CLSTN2: variants seen among roughly 807,000 people sequenced by gnomAD.
The protein encoded by CLSTN2 is calsyntenin 2, also known as calsyntenin-2.
Under a neutral mutation model 101.2 loss-of-function variants are expected in CLSTN2, and 48 were observed. The observed-to-expected ratio is 0.47, with a 90% CI of 0.38 to 0.60. CLSTN2 has a LOEUF of 0.60. CLSTN2 is among the 20% of genes least tolerant of loss of function. The pLI is 0.00. For missense variants in CLSTN2, 1,160 were observed against 1,238.2 expected (o/e 0.94, Z 0.95); for synonymous variants, 481 against 463.6 (o/e 1.04, Z -0.48).
intron 2 of CLSTN2, among the ~76,000 whole-genome samples, chr3:140,400,876 T>C (rs1049080959): frequency 2.0e-5 from 3 of 152,206 alleles, no homozygotes; most frequent in South Asian, 4.1e-4. Flanking sequence ...TCCTTTCTTC[T>C]GAAGGGTCCT....
intron 1 of CLSTN2, among the ~76,000 whole-genome samples, chr3:140,148,252 G>C (rs2107812592): frequency 6.6e-6 from 1 of 152,150 alleles, no homozygotes; most frequent in Non-Finnish European, 1.5e-5. Context: ...AACATTGAGT[G>C]CTGTCATCAG....
At chr3:140,163,723 G>A (rs570743547) in intron 1 of CLSTN2, among the ~76,000 whole-genome samples, 14 of 150,968 alleles carry the variant, frequency 9.3e-5, no homozygotes, top group African/African-American at 2.9e-4. Context: ...GCTTGTATGA[G>A]TTCCTTAAGC....
In CLSTN2 at chr3:140,059,484, T is replaced by C. The variant is rs76268913; in HGVS notation, c.110-116467T>C. On this transcript the variant is annotated intron_variant, in intron 1 of 16. Coordinates refer to ENST00000458420, the MANE Select transcript of CLSTN2 (RefSeq NM_022131.3). The stretch of plus-strand genomic sequence containing the variant: ...CTAAAAGTGCTGATGAGCAGGAGAC[T>C]AAAGAGAGCTACATGGAGAGGGTTC... 4.0e-3 allele frequency among the ~76,000 whole-genome samples: 604 copies of C among 152,216 alleles called. 3 individuals carry two copies. Among genetic ancestry groups the C allele is most frequent in the African/African-American group, 0.012 (497 of 41,528 alleles).
At chr3:140,107,453 G>C (rs2009078786) in intron 1 of CLSTN2, among the ~76,000 whole-genome samples, 1 of 152,146 alleles carries the variant, frequency 6.6e-6, no homozygotes, top group Admixed American at 6.5e-5. Flanking sequence ...TTGCAGGGTG[G>C]ATTTTCAGGG....
intron 2 of CLSTN2, among the ~76,000 whole-genome samples, chr3:140,346,089 G>A (rs1050138513): frequency 1.3e-5 from 2 of 152,164 alleles, no homozygotes; most frequent in South Asian, 2.1e-4. Flanking sequence ...ATGGCAGGGG[G>A]TGGCACAGCC....
chr3:140,316,461 C>T (rs879360341), intron 2 of CLSTN2, among the ~76,000 whole-genome samples: 1 of 152,222 alleles, frequency 6.6e-6, no homozygotes, highest in Non-Finnish European at 1.5e-5. Flanking sequence ...AGTGCCCACA[C>T]TCTTGCAATT....
intron 2 of CLSTN2, among the ~76,000 whole-genome samples, chr3:140,402,222 A>G (rs1294226202): frequency 1.3e-5 from 2 of 152,178 alleles, no homozygotes; most frequent in African/African-American, 4.8e-5. Context: ...TGAGACTTGA[A>G]TTGGAATGTA....
At chr3:140,298,152 C>T (rs894169505) in intron 2 of CLSTN2, among the ~76,000 whole-genome samples, 3 of 152,148 alleles carry the variant, frequency 2.0e-5, no homozygotes, top group African/African-American at 7.2e-5. Flanking sequence ...TGATTTTAAG[C>T]CCTGGCTCTG....
chr3:140,206,604 C>T (rs2010786239), intron 2 of CLSTN2, among the ~76,000 whole-genome samples: 1 of 152,194 alleles, frequency 6.6e-6, no homozygotes, highest in Non-Finnish European at 1.5e-5. Context: ...CTCCCCAAAG[C>T]AACTCTTTAG....
intron 1 of CLSTN2, among the ~76,000 whole-genome samples, chr3:140,006,895 C>G (rs563278165): frequency 1.6e-4 from 25 of 151,866 alleles, no homozygotes; most frequent in African/African-American, 5.6e-4. Flanking sequence ...TAAGGAGGCA[C>G]CAAAAGAAAC....
At chr3:140,046,190 G>A (rs2007876697) in intron 1 of CLSTN2, among the ~76,000 whole-genome samples, 1 of 152,042 alleles carries the variant, frequency 6.6e-6, no homozygotes, top group African/African-American at 2.4e-5. Flanking sequence ...TATGAATCTG[G>A]GTGCTCCTGT....
chr3:140,024,453 T>C lies in CLSTN2; in HGVS notation c.109+88970T>C, dbSNP rs143004205. 7.4e-3 allele frequency among the ~76,000 whole-genome samples: 1,122 copies of C among 152,296 alleles called. 14 individuals are homozygous for C. The highest frequency in any genetic ancestry group is 0.023 in the African/African-American group (973 of 41,554). Reference sequence around the variant, plus strand: ...TGTTTTTTTGTTTTTGTTTTTGTTTTCTCAAGGAAGCAAGGTTTTCTTTTC... The same window carrying C: ...TGTTTTTTTGTTTTTGTTTTTGTTTCCTCAAGGAAGCAAGGTTTTCTTTTC... On this transcript the variant is annotated intron_variant, in intron 1 of 16. Transcript: ENST00000458420.
At chr3:140,470,211 G>A (rs1365741027) in intron 8 of CLSTN2, among the ~76,000 whole-genome samples, 1 of 152,246 alleles carries the variant, frequency 6.6e-6, no homozygotes, top group African/African-American at 2.4e-5. Flanking sequence ...GGCTCTGTGT[G>A]GGGTACCTGG....
intron 2 of CLSTN2, among the ~76,000 whole-genome samples, chr3:140,214,295 A>AGCTGGGTGTGGT (rs1439172460): frequency 3.3e-5 from 5 of 151,980 alleles, no homozygotes; most frequent in African/African-American, 1.2e-4. Flanking sequence ...CAAAAAAAAT[A>AGCTGGGTGTGGT]GCTGGGTGTG....
chr3:140,449,822 C>G (rs989143680), intron 6 of CLSTN2: 3 of 152,224 alleles, frequency 2.0e-5, no homozygotes, highest in Non-Finnish European at 2.9e-5. Flanking sequence ...AGAAATTCAG[C>G]TCTGTCACAT....
chr3:140,099,224 C>A (rs2008925080), intron 1 of CLSTN2, among the ~76,000 whole-genome samples: 1 of 152,194 alleles, frequency 6.6e-6, no homozygotes, highest in South Asian at 2.1e-4. Flanking sequence ...TTACCAGGAA[C>A]TGCATGGCTT....
At chr3:140,135,158 ATAT>A (rs1560105638) in intron 1 of CLSTN2, among the ~76,000 whole-genome samples, 34 of 131,744 alleles carry the variant, frequency 2.6e-4, no homozygotes, top group African/African-American at 7.1e-4. Flanking sequence ...ATATATATAT[ATAT>A]AAAATATGCT....
intron 2 of CLSTN2, among the ~76,000 whole-genome samples, chr3:140,223,247 G>A (rs1403054593): frequency 6.6e-6 from 1 of 152,238 alleles, no homozygotes; most frequent in African/African-American, 2.4e-5. Context: ...ATCAACTGGA[G>A]AAAGGAAAAG....
chr3:139,958,603 T>A (rs1935450318), intron 1 of CLSTN2, among the ~76,000 whole-genome samples: 1 of 151,490 alleles, frequency 6.6e-6, no homozygotes, highest in South Asian at 2.1e-4. Flanking sequence ...GGAAGGGAGA[T>A]CAACTGGGAA....
Sources: allele counts gnomAD v4.1 joint callset (sites outside exome capture counted in the v4.1 genomes callset), GRCh38; gene constraint gnomAD v4.1.1; transcripts MANE v1.5; gene names NCBI Gene and HGNC (gene_info 2026-07-23, HGNC 2026-07-21).